The following TRPC7 variants were observed in gnomAD, a reference collection of about 807,000 sequenced individuals.
The protein encoded by TRPC7 is transient receptor potential cation channel subfamily C member 7, also known as short transient receptor potential channel 7.
Under a neutral mutation model 90.1 loss-of-function variants are expected in TRPC7, and 42 were observed. The observed-to-expected ratio is 0.47, with a 90% confidence interval of 0.36 to 0.60. The LOEUF (loss-of-function observed/expected upper bound fraction) is 0.60. TRPC7 is among the 20% of genes least tolerant of loss of function. The pLI, the probability that TRPC7 is intolerant of heterozygous loss-of-function variation, is 0.00. For synonymous variants in TRPC7, 451 were observed against 436.3 expected, an observed-to-expected ratio of 1.03 and a Z score of -0.42; for missense variants, 955 against 1,112.3, an observed-to-expected ratio of 0.86 and a Z score of 2.01.
chr5:136,295,220 T>A (rs938124587), intron 3 of TRPC7, among the ~76,000 whole-genome samples: 1 of 151,990 alleles, frequency 6.6e-6, no homozygotes, highest in African/African-American at 2.4e-5. Context: ...GCACACCAAC[T>A]TGGCACATGT....
At chr5:136,340,818 A>G (rs4976488) in intron 2 of TRPC7, among the ~76,000 whole-genome samples, 58,568 of 152,082 alleles carry the variant, frequency 0.39, 11,649 homozygotes, top group Middle Eastern at 0.5. Context: ...AAAATGGACA[A>G]AAGACACCGG....
chr5:136,244,686 A>G (rs1756279993), intron 7 of TRPC7, among the ~76,000 whole-genome samples: 1 of 152,250 alleles, frequency 6.6e-6, no homozygotes, highest in East Asian at 1.9e-4. Flanking sequence ...CATGTTCAGT[A>G]GCAATGCATC....
intron 7 of TRPC7, among the ~76,000 whole-genome samples, chr5:136,245,143 C>T (rs1756297510): frequency 6.6e-6 from 1 of 152,190 alleles, no homozygotes; most frequent in African/African-American, 2.4e-5. Flanking sequence ...TGCCCAAGGC[C>T]ACAAAGTCAG....
intron 10 of TRPC7, among the ~76,000 whole-genome samples, chr5:136,224,231 T>C: frequency 6.6e-6 from 1 of 152,154 alleles, no homozygotes; most frequent in East Asian, 1.9e-4. Context: ...CATCGAGAAG[T>C]GGAAGACAGG....
At chr5:136,307,734 C>A (rs574841418) in intron 3 of TRPC7, among the ~76,000 whole-genome samples, 1 of 152,076 alleles carries the variant, frequency 6.6e-6, no homozygotes, top group Non-Finnish European at 1.5e-5. Context: ...CTATAATGCA[C>A]GGGGGAGTCC....
At chr5:136,300,288 T>C (rs887787541) in intron 3 of TRPC7, among the ~76,000 whole-genome samples, 3 of 152,214 alleles carry the variant, frequency 2.0e-5, no homozygotes, top group African/African-American at 7.2e-5. Flanking sequence ...TTTTGTCCTT[T>C]TCCACCCTCT....
intron 3 of TRPC7, among the ~76,000 whole-genome samples, chr5:136,301,360 T>TTTTTC (rs1561709111): frequency 4.3e-5 from 3 of 70,082 alleles, no homozygotes; most frequent in African/African-American, 1.6e-4. Flanking sequence ...TTTTTTTTTT[T>TTTTTC]AACAAATCAT....
At chr5:136,314,487 C>A (rs1325031475) in intron 3 of TRPC7, 1 of 152,200 alleles carries the variant, frequency 6.6e-6, no homozygotes, top group African/African-American at 2.4e-5. Context: ...CAAAGGCCAC[C>A]TTTCCCATGA....
In TRPC7 at chr5:136,220,920, G is replaced by A. The variant is rs149414926; in HGVS notation, c.2343+4354C>T. Among the ~76,000 whole-genome samples the A allele has an allele frequency of 4.8e-3, 731 of 152,170 alleles. 6 individuals carry two copies. Among genetic ancestry groups the A allele is most frequent in the African/African-American group, 0.017 (690 of 41,506 alleles). On this transcript the variant is annotated intron_variant, in intron 10 of 11. Transcript: ENST00000513104. ...CTTTCTCTTTATTTCTCAGATGGCC[G>A]ACAATTATGGAAAATAGAAAGAACC...
chr5:136,242,247 T>G (rs1047191251), intron 7 of TRPC7, among the ~76,000 whole-genome samples: 5 of 152,224 alleles, frequency 3.3e-5, no homozygotes, highest in African/African-American at 1.2e-4. Flanking sequence ...AAACCTTGTC[T>G]GAACATTTTT....
intron 3 of TRPC7, among the ~76,000 whole-genome samples, chr5:136,279,044 CCT>C (rs1391844676): frequency 1.3e-5 from 2 of 152,090 alleles, no homozygotes; most frequent in Non-Finnish European, 2.9e-5. Flanking sequence ...AGGAGATGGG[CCT>C]CTCTGCAGGC....
intron 2 of TRPC7, among the ~76,000 whole-genome samples, chr5:136,343,778 C>G (rs1274056256): frequency 6.6e-6 from 1 of 152,156 alleles, no homozygotes; most frequent in Non-Finnish European, 1.5e-5. Flanking sequence ...TGCCCCTACA[C>G]AGATGAGTGA....
chr5:136,230,732 C>T (rs963962966), intron 8 of TRPC7, among the ~76,000 whole-genome samples: 2 of 152,202 alleles, frequency 1.3e-5, no homozygotes, highest in Admixed American at 6.5e-5. Context: ...CTGATACATT[C>T]TCTCAACCCC....
chr5:136,269,875 T>G (rs1757153379), intron 4 of TRPC7, among the ~76,000 whole-genome samples: 1 of 152,110 alleles, frequency 6.6e-6, no homozygotes, highest in South Asian at 2.1e-4. Context: ...GTAATCAGTG[T>G]TCTTACATTA....
Position 136,274,847 on chromosome 5 carries a change from C to T in TRPC7, c.964-10G>A, listed in dbSNP as rs761397229. 104 of 1,552,954 alleles carry T rather than the reference C, an allele frequency of 6.7e-5. No individual in the cohort carries two copies. Among genetic ancestry groups the T allele is most frequent in the Non-Finnish European group, 8.4e-5 (97 of 1,148,214 alleles). On this transcript the variant is annotated splice_polypyrimidine_tract_variant and intron_variant, in intron 3 of 11. Coordinates refer to ENST00000513104, the MANE Select transcript of TRPC7 (RefSeq NM_020389.3). ...TAGGATGAGCAACGAACTGTAAAAA[C>T]AAAACAAAAACAAAAACAAAACGCA...
intron 10 of TRPC7, among the ~76,000 whole-genome samples, chr5:136,224,316 C>T (rs574781552): frequency 1.3e-5 from 2 of 152,284 alleles, no homozygotes; most frequent in East Asian, 1.9e-4. Flanking sequence ...CTGATCCAAA[C>T]GGATACAGAG....
chr5:136,363,692 A>G (rs1760637563), intron 1 of TRPC7, among the ~76,000 whole-genome samples: 1 of 152,192 alleles, frequency 6.6e-6, no homozygotes, highest in African/African-American at 2.4e-5. Context: ...CTGAATGTTA[A>G]TAAGTGTTTC....
intron 3 of TRPC7, among the ~76,000 whole-genome samples, chr5:136,309,012 A>G (rs1421579431): frequency 6.6e-6 from 1 of 152,220 alleles, no homozygotes. Flanking sequence ...AGAAGGAGGC[A>G]AGGGACTTCT....
At chr5:136,345,294 G>A (rs780702829) in intron 2 of TRPC7, among the ~76,000 whole-genome samples, 82 of 152,294 alleles carry the variant, frequency 5.4e-4, no homozygotes, top group South Asian at 4.8e-3. Context: ...GGTGGCTCAC[G>A]CCTGTAATCC....
Sources: gnomAD v4.1 joint callset for allele counts (sites outside exome capture counted in the v4.1 genomes callset) on GRCh38, gnomAD v4.1.1 for gene constraint, MANE v1.5 for transcripts, NCBI Gene and HGNC (gene_info 2026-07-23, HGNC 2026-07-21) for gene names.